PHF21B: variants seen among roughly 807,000 people sequenced by gnomAD.
PHF21B encodes the protein PHD finger protein 21B.
In PHF21B, 22 loss-of-function variants were observed where a neutral mutation model predicts 62.2. That is an observed-to-expected ratio of 0.35 (90% confidence interval 0.25 to 0.51). The LOEUF (loss-of-function observed/expected upper bound fraction) is 0.51, where lower values mean the gene tolerates loss of function less well. PHF21B is among the 20% of genes least tolerant of loss of function. The pLI is 0.97. For missense variants in PHF21B, 701 were observed against 707.9 expected, an observed-to-expected ratio of 0.99 and a Z score of 0.11; for synonymous variants, 341 against 314.7, an observed-to-expected ratio of 1.08 and a Z score of -0.88.
intron 2 of PHF21B, among the ~76,000 whole-genome samples, chr22:44,985,472 C>T (rs1396592736): frequency 4.6e-5 from 7 of 152,082 alleles, no homozygotes; most frequent in African/African-American, 1.4e-4. Context: ...TGGTGGCTCA[C>T]GTTTGCAGTC....
At position 44,930,179 on chromosome 22, in the gene PHF21B, C is replaced by G. The variant is rs572776078; in HGVS notation, c.121-9689G>C. Among the ~76,000 whole-genome samples the G allele has an allele frequency of 9.2e-5, 14 of 152,314 alleles. No homozygotes were observed. The East Asian group carries it at 2.1e-3, about 23-fold the overall frequency. ...AAAGCCAGCACTGGGGCGGGTGTGGCCTGCTGGTGTCCCATAAACGCACAC... is the reference window on the plus strand; with the variant it reads ...AAAGCCAGCACTGGGGCGGGTGTGGGCTGCTGGTGTCCCATAAACGCACAC... On this transcript the variant is annotated intron_variant, in intron 2 of 12. Coordinates refer to ENST00000313237, the MANE Select transcript of PHF21B (RefSeq NM_138415.5).
chr22:44,896,885 T>TTTTTTTTTG (rs1569213288), intron 5 of PHF21B, among the ~76,000 whole-genome samples: 1 of 142,476 alleles, frequency 7.0e-6, no homozygotes, highest in African/African-American at 2.7e-5. Flanking sequence ...TATCTGTTTT[T>TTTTTTTTTG]TTTTTTTTTT....
At chr22:44,982,275 T>C (rs1316764291) in intron 2 of PHF21B, among the ~76,000 whole-genome samples, 1 of 152,120 alleles carries the variant, frequency 6.6e-6, no homozygotes, top group Non-Finnish European at 1.5e-5. Context: ...AATGACCCAG[T>C]ATGAGTACTT....
chr22:44,973,183 C>G (rs550480704), intron 2 of PHF21B, among the ~76,000 whole-genome samples: 6 of 152,102 alleles, frequency 3.9e-5, no homozygotes, highest in African/African-American at 1.2e-4. Flanking sequence ...GGTCCTCAGG[C>G]CCCAGTCAGA....
intron 2 of PHF21B, among the ~76,000 whole-genome samples, chr22:44,996,688 G>A (rs567416217): frequency 1.3e-4 from 20 of 151,422 alleles, no homozygotes; most frequent in South Asian, 2.1e-4. Flanking sequence ...ACACACACAC[G>A]CATACATGCA....
chr22:44,980,753 G>A (rs1389602939), intron 2 of PHF21B, among the ~76,000 whole-genome samples: 1 of 152,120 alleles, frequency 6.6e-6, no homozygotes, highest in Non-Finnish European at 1.5e-5. Context: ...CTGTCACTCA[G>A]CCTTGAAAAC....
intron 2 of PHF21B, among the ~76,000 whole-genome samples, chr22:44,947,273 G>A (rs1252040061): frequency 3.3e-5 from 5 of 151,492 alleles, no homozygotes; most frequent in African/African-American, 4.9e-5. Context: ...GCACCTACTC[G>A]GCACCAAGCA....
At chr22:44,996,437 T>G (rs953930223) in intron 2 of PHF21B, among the ~76,000 whole-genome samples, 2 of 152,058 alleles carry the variant, frequency 1.3e-5, no homozygotes, top group African/African-American at 4.8e-5. Flanking sequence ...ACAGCTCTCA[T>G]CATCAGGGTA....
At chr22:44,948,691 G>GAA (rs143726909) in intron 2 of PHF21B, among the ~76,000 whole-genome samples, 1,656 of 126,784 alleles carry the variant, frequency 0.013, 31 homozygotes, top group African/African-American at 0.043. Flanking sequence ...ACTCTGTCTG[G>GAA]AAAAAAAAAA....
chr22:44,906,823 C>A (rs2071259633), intron 5 of PHF21B, among the ~76,000 whole-genome samples: 1 of 152,196 alleles, frequency 6.6e-6, no homozygotes. Flanking sequence ...GAAGCACAGT[C>A]AACCGTGAGA....
At chr22:44,894,649 T>G (rs1441672861) in intron 6 of PHF21B, among the ~76,000 whole-genome samples, 1 of 152,198 alleles carries the variant, frequency 6.6e-6, no homozygotes, top group Non-Finnish European at 1.5e-5. Context: ...CTTCCAACCA[T>G]GCACGCAGAA....
At chr22:44,921,805 CCCG>C (rs1299331430) in intron 2 of PHF21B, among the ~76,000 whole-genome samples, 2 of 150,768 alleles carry the variant, frequency 1.3e-5, no homozygotes, top group East Asian at 2.0e-4. Context: ...ATTACAGGCG[CCCG>C]CCACCACGCC....
chr22:44,978,738 T>C (rs536919223), intron 2 of PHF21B, among the ~76,000 whole-genome samples: 43 of 152,250 alleles, frequency 2.8e-4, no homozygotes, highest in Non-Finnish European at 5.6e-4. Context: ...TTTTTTCCTC[T>C]TCTACTACAC....
At chr22:44,993,435 C>T (rs1402519911) in intron 2 of PHF21B, among the ~76,000 whole-genome samples, 1 of 152,252 alleles carries the variant, frequency 6.6e-6, no homozygotes, top group Non-Finnish European at 1.5e-5. Flanking sequence ...TCCATCCTCC[C>T]ACCCGCCAGG....
chr22:44,983,799 G>C lies in PHF21B; in HGVS notation c.120+24746C>G, dbSNP rs1331862111. On this transcript the variant is annotated intron_variant, in intron 2 of 12. Coordinates refer to ENST00000313237, the MANE Select transcript of PHF21B (RefSeq NM_138415.5). The stretch of plus-strand genomic sequence containing the variant: ...TTTTTACTCAGAGGATTAAACTCCA[G>C]GGTAGTCCTCTGAATTATAATAAAA... Among the ~76,000 whole-genome samples, 4 of 152,080 alleles carry C rather than the reference G, an allele frequency of 2.6e-5. No individual in the cohort carries two copies. In the East Asian group the frequency reaches 7.7e-4, roughly 29 times the overall value.
intron 2 of PHF21B, among the ~76,000 whole-genome samples, chr22:44,956,818 G>A (rs956664983): frequency 3.9e-5 from 6 of 152,156 alleles, no homozygotes; most frequent in African/African-American, 1.2e-4. Context: ...GCCCCTCCAC[G>A]CGGTGGGCTC....
chr22:44,912,878 CAAAAAAAAAA>C (rs3087031), intron 5 of PHF21B, among the ~76,000 whole-genome samples: 1 of 45,608 alleles, frequency 2.2e-5, no homozygotes, highest in Admixed American at 3.1e-4. Context: ...GACTCTATCT[CAAAAAAAAAA>C]AAAAAAAAAG....
At chr22:44,917,444 C>A (rs2071458091) in intron 3 of PHF21B, among the ~76,000 whole-genome samples, 1 of 152,166 alleles carries the variant, frequency 6.6e-6, no homozygotes, top group South Asian at 2.1e-4. Flanking sequence ...CCACTGACCC[C>A]ATGCATGGAA....
intron 7 of PHF21B, among the ~76,000 whole-genome samples, chr22:44,892,760 G>A (rs2070988630): frequency 6.6e-6 from 1 of 152,244 alleles, no homozygotes; most frequent in Non-Finnish European, 1.5e-5. Flanking sequence ...GCTTTGGGGA[G>A]ATGACATTAG....
Sources: gnomAD v4.1 joint callset for allele counts (sites outside exome capture counted in the v4.1 genomes callset) on GRCh38, gnomAD v4.1.1 for gene constraint, MANE v1.5 for transcripts, NCBI Gene and HGNC (gene_info 2026-07-23, HGNC 2026-07-21) for gene names.